MRPS9: variants seen among roughly 807,000 people sequenced by gnomAD.
The protein encoded by MRPS9 is mitochondrial ribosomal protein S9.
MRPS9 carries 45 observed loss-of-function variants against 59.9 expected under a neutral mutation model. That is an observed-to-expected ratio of 0.75 (90% confidence interval 0.59 to 0.96). The LOEUF (loss-of-function observed/expected upper bound fraction) is 0.96, where lower values mean the gene tolerates loss of function less well. Among genes scored for constraint, MRPS9 ranks in the 40% least tolerant of loss-of-function variants. The probability of loss-of-function intolerance (pLI) is 0.00; values close to 1 mark genes in which losing one functional copy is unlikely to be tolerated. For missense variants in MRPS9, 473 were observed against 481.1 expected (o/e 0.98, Z 0.16); for synonymous variants, 171 against 166.8 (o/e 1.03, Z -0.19).
chr2:105,097,462 G>A (rs1680691304), intron 10 of MRPS9, 138 bp downstream of exon 10: 5 of 790,326 alleles, frequency 6.3e-6, no homozygotes, highest in Non-Finnish European at 9.0e-6. Context: ...CTTCTTTCTT[G>A]CTACAGAACC....
intron 1 of MRPS9, among the ~76,000 whole-genome samples, chr2:105,047,410 T>C (rs1167431293): frequency 6.6e-6 from 1 of 152,026 alleles, no homozygotes; most frequent in Non-Finnish European, 1.5e-5. Context: ...CTGTATTTTT[T>C]CTTATATTTT....
chr2:105,081,135 G>A (rs1050567001), intron 5 of MRPS9, among the ~76,000 whole-genome samples: 2 of 152,146 alleles, frequency 1.3e-5, no homozygotes, highest in Non-Finnish European at 2.9e-5. Flanking sequence ...AAACGCCGCC[G>A]GTTTGATCTG....
At position 105,038,203 on chromosome 2, in the gene MRPS9, G is replaced by A. The variant is rs747758514; in HGVS notation, c.111G>A (p.Glu37=). 1.2e-6 allele frequency: 2 copies of A among 1,612,774 alleles called. No individual in the cohort carries two copies. Among genetic ancestry groups the A allele is most frequent in the Non-Finnish European group, 1.7e-6 (2 of 1,179,428 alleles). ...GCCTCTGGAAAACCGCGGCCCCTGA[G>A]TTGCAAACAAATGTCAGATCCCAGG... ...KQGLWKTAAP[E]LQTNVRSQIL... is the part of the protein sequence containing the mutation. Residue 37 remains glutamate (E), a synonymous_variant, in exon 1 of 11, where the codon GAG becomes GAA. Coordinates refer to ENST00000258455, the MANE Select transcript of MRPS9 (RefSeq NM_182640.3).
intron 5 of MRPS9, among the ~76,000 whole-genome samples, chr2:105,080,890 A>G (rs1459074134): frequency 6.6e-6 from 1 of 151,672 alleles, no homozygotes; most frequent in Non-Finnish European, 1.5e-5. Context: ...CCCACTTGTC[A>G]GGTACATTTA....
intron 2 of MRPS9, among the ~76,000 whole-genome samples, chr2:105,066,527 A>G (rs1470614709): frequency 6.6e-6 from 1 of 152,116 alleles, no homozygotes; most frequent in Non-Finnish European, 1.5e-5. Flanking sequence ...GACAGATCCA[A>G]CTGTAGGTTG....
At chr2:105,092,602 A>G (rs753858462) in intron 8 of MRPS9, 33 bp downstream of exon 8, 1 of 1,447,670 alleles carries the variant, frequency 6.9e-7, no homozygotes, top group South Asian at 1.5e-5. Context: ...AAATAAATTC[A>G]GTGAAGGTTG....
intron 6 of MRPS9, 109 bp from the exon 7 acceptor site, chr2:105,089,811 T>C: frequency 2.9e-6 from 2 of 687,848 alleles, no homozygotes; most frequent in African/African-American, 1.9e-5. Context: ...CTATATAATA[T>C]AAAAACTGAT....
chr2:105,089,053 G>GA lies in MRPS9; in HGVS notation c.565dup (p.Thr189AsnfsTer14), dbSNP rs1356455531. On this transcript the variant is annotated frameshift_variant, in exon 6 of 11. Coordinates refer to ENST00000258455, the MANE Select transcript of MRPS9 (RefSeq NM_182640.3). LOFTEE classifies it high-confidence loss of function. ...CTTGCAAGCCAAAAGTCTGCTCCCA[G>GA]AAAAAACTGTAACCAGGTAAGCTCT... 6.2e-7 allele frequency: 1 copy of GA among 1,609,804 alleles called. No individual in the cohort carries two copies. Among genetic ancestry groups the GA allele is most frequent in the Non-Finnish European group, 8.5e-7 (1 of 1,177,624 alleles).
At chr2:105,051,440 C>G (rs771991697) in intron 2 of MRPS9, among the ~76,000 whole-genome samples, 1 of 152,108 alleles carries the variant, frequency 6.6e-6, no homozygotes, top group Non-Finnish European at 1.5e-5. Context: ...ATTACTGTAG[C>G]TTTATAGTAA....
At chr2:105,050,661 G>T (rs112278294) in intron 2 of MRPS9, among the ~76,000 whole-genome samples, 1,577 of 152,220 alleles carry the variant, frequency 0.01, 23 homozygotes, top group African/African-American at 0.036. Context: ...AAGCTCCTTT[G>T]CTAGCTATCC....
intron 2 of MRPS9, among the ~76,000 whole-genome samples, chr2:105,052,094 C>T (rs10209060): frequency 7.0e-6 from 1 of 143,688 alleles, no homozygotes; most frequent in Admixed American, 7.0e-5. Context: ...CTTCATTTTT[C>T]CTATTTGGAT....
chr2:105,096,179 T>C (rs1253807222), intron 9 of MRPS9, among the ~76,000 whole-genome samples: 1 of 152,112 alleles, frequency 6.6e-6, no homozygotes, highest in Non-Finnish European at 1.5e-5. Flanking sequence ...TTTGCCCATC[T>C]GCTTGTGATT....
At chr2:105,095,487 A>G (rs1227146238) in intron 9 of MRPS9, among the ~76,000 whole-genome samples, 1 of 140,114 alleles carries the variant, frequency 7.1e-6, no homozygotes, top group Non-Finnish European at 1.5e-5. Flanking sequence ...CAGTCTGTAC[A>G]TTTTTTTTTT....
intron 8 of MRPS9, among the ~76,000 whole-genome samples, chr2:105,093,242 G>C (rs1322572870): frequency 6.6e-6 from 1 of 152,104 alleles, no homozygotes; most frequent in African/African-American, 2.4e-5. Flanking sequence ...ATTCTCGTAA[G>C]GGAAATGAAT....
At chr2:105,095,283 C>T (rs1680634494) in intron 9 of MRPS9, among the ~76,000 whole-genome samples, 1 of 152,078 alleles carries the variant, frequency 6.6e-6, no homozygotes, top group South Asian at 2.1e-4. Flanking sequence ...TCTGGACAGC[C>T]ATTTGTTTGG....
chr2:105,087,858 A>G (rs1680480388), intron 5 of MRPS9, among the ~76,000 whole-genome samples: 1 of 119,902 alleles, frequency 8.3e-6, no homozygotes, highest in Non-Finnish European at 1.8e-5. Flanking sequence ...CAGGTTGCAG[A>G]GTGAAGACCA....
chr2:105,049,133 A>G, intron 1 of MRPS9, 38 bp from the exon 2 acceptor site: 1 of 1,357,296 alleles, frequency 7.4e-7, no homozygotes. Context: ...TCACAGTTTA[A>G]TTTATTTTCT....
chr2:105,092,551 G>T lies in MRPS9; in HGVS notation c.802G>T (p.Ala268Ser). 6.3e-7 allele frequency: 1 copy of T among 1,585,904 alleles called. No individual in the cohort carries two copies. Among genetic ancestry groups the T allele is most frequent in the South Asian group, 1.2e-5 (1 of 85,550 alleles). Residue 268 changes from alanine (A) to serine (S), a missense_variant, in exon 8 of 11, where the codon GCC becomes TCC. Ala to Ser is a moderately conservative substitution (Grantham distance 99, BLOSUM62 1). Transcript: ENST00000258455. ...TGTACAGTATGATGAGCAAGGAATG[G>T]CCTTTAGCAAAAGTGAAGGTAATGA... The part of the protein sequence containing the change: ...EPVQYDEQGM[A>S]FSKSEGKRKT...
At chr2:105,098,267 T>G (rs1328850162) in intron 10 of MRPS9, 1 of 152,210 alleles carries the variant, frequency 6.6e-6, no homozygotes, top group Non-Finnish European at 1.5e-5. Flanking sequence ...TTCGCACTGT[T>G]GATGAGAAGA....
Sources: gnomAD v4.1 joint callset for allele counts (sites outside exome capture counted in the v4.1 genomes callset) on GRCh38, gnomAD v4.1.1 for gene constraint, MANE v1.5 for transcripts, NCBI Gene and HGNC (gene_info 2026-07-23, HGNC 2026-07-21) for gene names.